The following NSUN6 variants were observed in gnomAD, a reference collection of about 807,000 sequenced individuals.
NSUN6 encodes tRNA (cytosine(72)-C(5))-methyltransferase NSUN6.
A neutral mutation model predicts 58.0 loss-of-function variants in NSUN6; 64 were observed. The observed-to-expected ratio is 1.10, with a 90% CI of 0.90 to 1.36. NSUN6 has a LOEUF of 1.36. NSUN6 is among the 40% of genes most tolerant of loss of function. The probability of loss-of-function intolerance (pLI) is 0.00; values close to 1 mark genes in which losing one functional copy is unlikely to be tolerated. For missense variants in NSUN6, 701 were observed against 550.1 expected, an observed-to-expected ratio of 1.27 and a Z score of -2.74; for synonymous variants, 231 against 193.9, an observed-to-expected ratio of 1.19 and a Z score of -1.59.
chr10:18,658,069 A>G (rs2131629331), upstream of NSUN6: 1 of 152,304 alleles, frequency 6.6e-6, no homozygotes, highest in South Asian at 2.1e-4. Flanking sequence ...GTTTTGTGAT[A>G]ATGAAGCTAG....
At chr10:18,654,889 ATAAAAT>A (rs1451044489), upstream of NSUN6, 5 of 185,188 alleles carry the variant, frequency 2.7e-5, no homozygotes, top group Non-Finnish European at 5.1e-5. Context: ...AAAAAAATAA[ATAAAAT>A]TAAAAAGTCT....
intron 3 of NSUN6, among the ~76,000 whole-genome samples, chr10:18,634,474 G>C (rs1380881474): frequency 5.3e-5 from 8 of 152,030 alleles, no homozygotes; most frequent in Admixed American, 3.3e-4. Context: ...AGAACAAACC[G>C]GGCCTGGTGG....
intron 3 of NSUN6, among the ~76,000 whole-genome samples, chr10:18,637,206 A>C (rs1564836421): frequency 6.6e-6 from 1 of 151,496 alleles, no homozygotes; most frequent in Non-Finnish European, 1.5e-5. Flanking sequence ...CAGGTGATCC[A>C]CCCCCCTGGG....
intron 9 of NSUN6, among the ~76,000 whole-genome samples, chr10:18,550,817 C>T (rs372615550): frequency 4.6e-5 from 7 of 151,694 alleles, no homozygotes; most frequent in East Asian, 3.9e-4. Context: ...CTTCGCCTCC[C>T]GAGTTCAAGC....
At chr10:18,548,666 C>T (rs1243078325) in intron 9 of NSUN6, among the ~76,000 whole-genome samples, 2 of 152,110 alleles carry the variant, frequency 1.3e-5, no homozygotes, top group Non-Finnish European at 2.9e-5. Flanking sequence ...CTTACACTCC[C>T]GGGCTCAAGC....
chr10:18,587,511 T>C (rs1346631474), intron 7 of NSUN6, among the ~76,000 whole-genome samples: 1 of 152,122 alleles, frequency 6.6e-6, no homozygotes, highest in African/African-American at 2.4e-5. Flanking sequence ...GAGAGCTGAA[T>C]AGAAACAGCT....
intron 5 of NSUN6, among the ~76,000 whole-genome samples, chr10:18,611,673 G>C (rs2058241247): frequency 6.6e-6 from 1 of 151,900 alleles, no homozygotes; most frequent in African/African-American, 2.4e-5. Context: ...GCGACTACAG[G>C]CACACACCAC....
intron 8 of NSUN6, among the ~76,000 whole-genome samples, chr10:18,572,340 ATT>A (rs2056414134): frequency 2.7e-5 from 4 of 149,514 alleles, no homozygotes; most frequent in African/African-American, 7.4e-5. Context: ...TCCATTCTCC[ATT>A]CCAATCCACA....
At chr10:18,615,326 A>C (rs1053617531) in intron 4 of NSUN6, among the ~76,000 whole-genome samples, 8 of 152,158 alleles carry the variant, frequency 5.3e-5, no homozygotes, top group Non-Finnish European at 1.0e-4. Context: ...AACCTAATCT[A>C]TCATAAATTT....
chr10:18,571,445 C>A (rs1357770611), intron 8 of NSUN6, among the ~76,000 whole-genome samples: 2 of 150,934 alleles, frequency 1.3e-5, no homozygotes. Context: ...CCATTCCAAA[C>A]CATTCTCTAT....
Position 18,546,160 on chromosome 10 carries a change from T to G in NSUN6, c.1198-15A>C. ...ATCTGCGGTTCCTGTTTGGAGAAAG[T>G]GGATCAATATGGATGAACATCCTGT... On this transcript the variant is annotated splice_polypyrimidine_tract_variant and intron_variant, in intron 10 of 10. Transcript: ENST00000377304. The G allele has an allele frequency of 6.6e-7, 1 of 1,503,902 alleles. No individual in the cohort carries two copies. The highest frequency in any genetic ancestry group is 9.3e-7 in the Non-Finnish European group (1 of 1,079,386). The allele number at this position is 1,503,902 out of a possible 1,614,324, so 93.2% of individuals were successfully genotyped here.
chr10:18,638,607 T>G (rs1360782253), intron 3 of NSUN6, among the ~76,000 whole-genome samples: 1 of 152,148 alleles, frequency 6.6e-6, no homozygotes, highest in Non-Finnish European at 1.5e-5. Flanking sequence ...GGCCTTAGAT[T>G]TCTTCACAAT....
chr10:18,633,073 G>T (rs1401452002), intron 3 of NSUN6, among the ~76,000 whole-genome samples: 2 of 151,822 alleles, frequency 1.3e-5, no homozygotes, highest in African/African-American at 2.4e-5. Context: ...ATACTATGCA[G>T]CCATAAAAAA....
intron 3 of NSUN6, among the ~76,000 whole-genome samples, chr10:18,639,828 C>G (rs2059338184): frequency 6.6e-6 from 1 of 152,192 alleles, no homozygotes. Flanking sequence ...ATCTCTCATA[C>G]ACTGCTGAAA....
intron 8 of NSUN6, among the ~76,000 whole-genome samples, chr10:18,552,767 A>G (rs1434713985): frequency 7.0e-6 from 1 of 142,106 alleles, no homozygotes; most frequent in Non-Finnish European, 1.6e-5. Flanking sequence ...TCTATTCTCC[A>G]TTCCATTTGA....
At chr10:18,566,285 A>AT (rs2055934933) in intron 8 of NSUN6, among the ~76,000 whole-genome samples, 1 of 119,168 alleles carries the variant, frequency 8.4e-6, no homozygotes, top group Non-Finnish European at 1.8e-5. Context: ...TCCATTCTCC[A>AT]TCCCATTCTA....
At chr10:18,612,986 A>G (rs1222022354) in intron 5 of NSUN6, among the ~76,000 whole-genome samples, 1 of 152,248 alleles carries the variant, frequency 6.6e-6, no homozygotes, top group East Asian at 1.9e-4. Flanking sequence ...TTTAAGGAAT[A>G]TAAATAAGAA....
chr10:18,572,992 T>TATTCC (rs2056457650), intron 8 of NSUN6, among the ~76,000 whole-genome samples: 1 of 150,570 alleles, frequency 6.6e-6, no homozygotes, highest in Admixed American at 6.6e-5. Context: ...TTCCTTTCTC[T>TATTCC]ATTCCATTCC....
At chr10:18,565,739 C>A (rs2055876941) in intron 8 of NSUN6, among the ~76,000 whole-genome samples, 1 of 150,480 alleles carries the variant, frequency 6.6e-6, no homozygotes, top group South Asian at 2.1e-4. Context: ...ACAACAATCT[C>A]CATTCCACGC....
Sources: gnomAD v4.1 joint callset for allele counts (sites outside exome capture counted in the v4.1 genomes callset) on GRCh38, gnomAD v4.1.1 for gene constraint, MANE v1.5 for transcripts, NCBI Gene and HGNC (gene_info 2026-07-23, HGNC 2026-07-21) for gene names.